The following PRKCA variants were observed in gnomAD, a reference collection of about 807,000 sequenced individuals.
The protein encoded by PRKCA is protein kinase C alpha.
A neutral mutation model predicts 87.0 loss-of-function variants in PRKCA; 27 were observed. The observed-to-expected ratio is 0.31, with a 90% CI of 0.23 to 0.43. The LOEUF (loss-of-function observed/expected upper bound fraction) is 0.43. Among genes scored for constraint, PRKCA ranks in the 20% least tolerant of loss-of-function variants. The pLI is 1.00. For missense variants in PRKCA, 518 were observed against 852.3 expected, an observed-to-expected ratio of 0.61 and a Z score of 4.88; for synonymous variants, 329 against 311.1, an observed-to-expected ratio of 1.06 and a Z score of -0.61.
chr17:66,626,080 C>G (rs1970845573), intron 3 of PRKCA, among the ~76,000 whole-genome samples: 1 of 152,200 alleles, frequency 6.6e-6, no homozygotes, highest in Non-Finnish European at 1.5e-5. Context: ...TTTCCGAACT[C>G]TCTGCGTACA....
At chr17:66,325,811 A>C (rs1280311974) in intron 2 of PRKCA, among the ~76,000 whole-genome samples, 1 of 152,178 alleles carries the variant, frequency 6.6e-6, no homozygotes, top group East Asian at 1.9e-4. Flanking sequence ...TTTTGCATGC[A>C]CAACTCCTAT....
chr17:66,313,113 T>C (rs1905158067), intron 2 of PRKCA, among the ~76,000 whole-genome samples: 1 of 152,174 alleles, frequency 6.6e-6, no homozygotes, highest in Non-Finnish European at 1.5e-5. Flanking sequence ...GTGCGAGGAC[T>C]GAGTCTTATT....
intron 3 of PRKCA, among the ~76,000 whole-genome samples, chr17:66,610,294 C>G (rs1212643926): frequency 3.3e-5 from 5 of 152,184 alleles, no homozygotes; most frequent in African/African-American, 9.7e-5. Context: ...CCCAGAGCTT[C>G]CATGGCCTCC....
In PRKCA at chr17:66,385,707, C is replaced by T. The variant is rs77047905; in HGVS notation, c.205+79580C>T. On this transcript the variant is annotated intron_variant, in intron 2 of 16. Coordinates refer to ENST00000413366, the MANE Select transcript of PRKCA (RefSeq NM_002737.3). ...CGAGACTCTTCCTGGGCAACATAGA[C>T]GCTGCCTCTACAAAATAAAAATAAT... 9.5e-4 allele frequency among the ~76,000 whole-genome samples: 144 copies of T among 152,280 alleles called. 1 individual carries two copies. In the East Asian group the frequency reaches 0.025, roughly 26 times the overall value.
chr17:66,440,404 T>G (rs902158792), intron 2 of PRKCA, among the ~76,000 whole-genome samples: 1 of 152,122 alleles, frequency 6.6e-6, no homozygotes, highest in Non-Finnish European at 1.5e-5. Context: ...ATGAATTGGG[T>G]TATTCGGGAA....
chr17:66,495,290 T>C (rs79431360), intron 2 of PRKCA, among the ~76,000 whole-genome samples: 3,485 of 152,054 alleles, frequency 0.023, 131 homozygotes, highest in African/African-American at 0.079. Flanking sequence ...TATAGGAAGG[T>C]GTTAAGGTGT....
intron 2 of PRKCA, among the ~76,000 whole-genome samples, chr17:66,407,278 G>A (rs1252396942): frequency 6.6e-6 from 1 of 152,006 alleles, no homozygotes; most frequent in African/African-American, 2.4e-5. Flanking sequence ...CATGGGGGCG[G>A]ATCCTTTGTG....
At chr17:66,466,201 G>A (rs1319163634) in intron 2 of PRKCA, among the ~76,000 whole-genome samples, 4 of 152,156 alleles carry the variant, frequency 2.6e-5, no homozygotes, top group Admixed American at 2.6e-4. Flanking sequence ...CACTCTAGAC[G>A]CCTGTACCTT....
chr17:66,371,890 G>A (rs1049407497), intron 2 of PRKCA, among the ~76,000 whole-genome samples: 1 of 152,172 alleles, frequency 6.6e-6, no homozygotes, highest in Non-Finnish European at 1.5e-5. Context: ...GATGCCTGGC[G>A]TATTATAGGC....
At chr17:66,578,285 C>T (rs962824066) in intron 3 of PRKCA, among the ~76,000 whole-genome samples, 1 of 152,174 alleles carries the variant, frequency 6.6e-6, no homozygotes, top group African/African-American at 2.4e-5. Context: ...GCAAGTCGGT[C>T]CAGGCTTCCG....
intron 8 of PRKCA, among the ~76,000 whole-genome samples, chr17:66,721,674 A>G (rs1298431277): frequency 6.6e-6 from 1 of 152,142 alleles, no homozygotes; most frequent in Non-Finnish European, 1.5e-5. Flanking sequence ...ATTAGCATAT[A>G]ATGAGCAGCA....
chr17:66,449,204 G>C (rs1914188635), intron 2 of PRKCA, among the ~76,000 whole-genome samples: 1 of 152,030 alleles, frequency 6.6e-6, no homozygotes, highest in African/African-American at 2.4e-5. Context: ...TGGGAGGATT[G>C]CTTGAGCCCA....
chr17:66,723,051 C>T (rs1186959655), intron 8 of PRKCA, among the ~76,000 whole-genome samples: 1 of 152,242 alleles, frequency 6.6e-6, no homozygotes, highest in Non-Finnish European at 1.5e-5. Context: ...GACCCATTGC[C>T]TCTCCTGCCC....
intron 9 of PRKCA, 127 bp downstream of exon 9, chr17:66,732,952 C>G: frequency 8.3e-7 from 1 of 1,206,728 alleles, no homozygotes; most frequent in Non-Finnish European, 1.1e-6. Context: ...GAGATCAAGA[C>G]CATCCTGGCT....
intron 2 of PRKCA, chr17:66,364,013 T>A (rs1218697776): frequency 6.6e-6 from 1 of 152,318 alleles, no homozygotes; most frequent in Non-Finnish European, 1.5e-5. Flanking sequence ...GAATGGGCTT[T>A]TTAAAGGAGA....
At chr17:66,739,646 G>T (rs1224060614) in intron 11 of PRKCA, among the ~76,000 whole-genome samples, 1 of 152,180 alleles carries the variant, frequency 6.6e-6, no homozygotes, top group African/African-American at 2.4e-5. Flanking sequence ...GAAATGACCG[G>T]CTCAGAGGTG....
At position 66,348,597 on chromosome 17, in the gene PRKCA, A is replaced by G. The variant is rs1045154689; in HGVS notation, c.205+42470A>G. The stretch of plus-strand genomic sequence containing the variant: ...ATACTAATAAAGTGAAATTGTGCCA[A>G]TTGCCCAAAACAGTGCATCAATCCA... On this transcript the variant is annotated intron_variant, in intron 2 of 16. Coordinates refer to ENST00000413366, the MANE Select transcript of PRKCA (RefSeq NM_002737.3). Among the ~76,000 whole-genome samples, 5 of 152,348 alleles carry G rather than the reference A, an allele frequency of 3.3e-5. No homozygotes were observed. The East Asian group carries it at 9.6e-4, about 29-fold the overall frequency.
intron 13 of PRKCA, among the ~76,000 whole-genome samples, chr17:66,749,153 G>A (rs1974371939): frequency 6.6e-6 from 1 of 151,682 alleles, no homozygotes; most frequent in South Asian, 2.1e-4. Flanking sequence ...TTCAGAGGGT[G>A]ACACCAGGAC....
intron 3 of PRKCA, among the ~76,000 whole-genome samples, chr17:66,619,295 G>T (rs920614150): frequency 6.6e-6 from 1 of 152,268 alleles, no homozygotes; most frequent in East Asian, 1.9e-4. Context: ...TAGGTAAATT[G>T]TTTAAAATTG....
Sources: gnomAD v4.1 joint callset for allele counts (sites outside exome capture counted in the v4.1 genomes callset) on GRCh38, gnomAD v4.1.1 for gene constraint, MANE v1.5 for transcripts, NCBI Gene and HGNC (gene_info 2026-07-23, HGNC 2026-07-21) for gene names.